The following TRAPPC9 variants were observed in gnomAD, a reference collection of about 807,000 sequenced individuals.
TRAPPC9 encodes trafficking protein particle complex subunit 9, also known as IKK2 binding protein.
In TRAPPC9, 83 loss-of-function variants were observed where a neutral mutation model predicts 124.0. The observed-to-expected ratio is 0.67, with a 90% CI of 0.56 to 0.80. The LOEUF is 0.80. TRAPPC9 is among the 30% of genes least tolerant of loss of function. The pLI, the probability that TRAPPC9 is intolerant of heterozygous loss-of-function variation, is 0.00. For missense variants in TRAPPC9, 1,302 were observed against 1,508.3 expected, an observed-to-expected ratio of 0.86 and a Z score of 2.27; for synonymous variants, 638 against 617.5, an observed-to-expected ratio of 1.03 and a Z score of -0.49.
rs932408437 is a variant in TRAPPC9, at chr8:140,451,348, C to T, written c.26G>A (p.Cys9Tyr). The change falls in exon 2 of 23, where the codon TGT becomes TAT. Residue 9 changes from cysteine (C) to tyrosine (Y), a missense_variant. Physicochemically the swap from Cys to Tyr is radical, Grantham distance 194. Transcript: ENST00000438773. Reference sequence around the variant, plus strand: ...GAGCAGCGTCTGGTGGTCCTCAGCACACTGCATGTAGTCAGGGACGCTCAT... The same window carrying T: ...GAGCAGCGTCTGGTGGTCCTCAGCATACTGCATGTAGTCAGGGACGCTCAT... Reference protein sequence around the residue: MSVPDYMQCAEDHQTLLVV... With the variant: MSVPDYMQYAEDHQTLLVV... 3.1e-6 allele frequency: 5 copies of T among 1,605,184 alleles called. No individual in the cohort carries two copies. Among genetic ancestry groups the T allele is most frequent in the South Asian group, 1.1e-5 (1 of 91,062 alleles).
At chr8:139,948,069 C>G (rs1834378779) in intron 19 of TRAPPC9, among the ~76,000 whole-genome samples, 1 of 151,408 alleles carries the variant, frequency 6.6e-6, no homozygotes, top group Non-Finnish European at 1.5e-5. Flanking sequence ...CCCTGAGCCT[C>G]AGTTTCCTTA....
rs559889135 is a variant in TRAPPC9 at position 139,730,242 on chromosome 8, T to A, written c.*819A>T. ...CTCTAACTCAGAACCCGTCCCTTCCTGGGTCCGGCTTCTGCTGGGAAGCCA... is the reference window on the plus strand; with the variant it reads ...CTCTAACTCAGAACCCGTCCCTTCCAGGGTCCGGCTTCTGCTGGGAAGCCA... On this transcript the variant is annotated 3_prime_UTR_variant, in exon 23 of 23. Transcript: ENST00000438773. 1 of 152,442 alleles carries A rather than the reference T, an allele frequency of 6.6e-6. No individual in the cohort carries two copies. The highest frequency in any genetic ancestry group is 1.9e-4 in the East Asian group (1 of 5,172). 9.4% of individuals were successfully genotyped at this position (152,442 alleles called of 1,614,324 possible).
intron 17 of TRAPPC9, among the ~76,000 whole-genome samples, chr8:140,149,877 G>A (rs749220818): frequency 7.9e-5 from 12 of 152,212 alleles, no homozygotes; most frequent in South Asian, 4.2e-4. Context: ...TGTATATCAT[G>A]CATACATACA....
chr8:139,784,883 C>T (rs978825433), intron 21 of TRAPPC9, among the ~76,000 whole-genome samples: 10 of 151,852 alleles, frequency 6.6e-5, no homozygotes, highest in Admixed American at 1.3e-4. Flanking sequence ...CAGTTCTCCC[C>T]AGATTGATCT....
At chr8:139,895,842 T>A (rs1390816146) in intron 20 of TRAPPC9, among the ~76,000 whole-genome samples, 1 of 152,258 alleles carries the variant, frequency 6.6e-6, no homozygotes, top group Non-Finnish European at 1.5e-5. Flanking sequence ...CATTTTGGCA[T>A]ATTACTTTCA....
intron 1 of TRAPPC9, among the ~76,000 whole-genome samples, chr8:140,452,541 TAC>T (rs1305202509): frequency 1.3e-5 from 2 of 152,026 alleles, no homozygotes. Context: ...AAGGAGAGAT[TAC>T]ACAAATATAC....
chr8:140,027,164 A>G (rs1481756553), intron 17 of TRAPPC9, among the ~76,000 whole-genome samples: 1 of 152,230 alleles, frequency 6.6e-6, no homozygotes, highest in Admixed American at 6.5e-5. Flanking sequence ...TTCTGAGTGC[A>G]GGGCTCTGTG....
intron 20 of TRAPPC9, among the ~76,000 whole-genome samples, chr8:139,896,260 TG>T (rs1055389113): frequency 1.3e-5 from 2 of 152,188 alleles, no homozygotes; most frequent in African/African-American, 4.8e-5. Context: ...GTGGCAGTGA[TG>T]GGGGTGGCTA....
chr8:140,380,094 C>A (rs1268827590), intron 7 of TRAPPC9, among the ~76,000 whole-genome samples: 1 of 152,034 alleles, frequency 6.6e-6, no homozygotes, highest in Admixed American at 6.6e-5. Flanking sequence ...CAAGCTTATG[C>A]CAAAATTCAC....
At chr8:139,830,276 C>T (rs576051876) in intron 21 of TRAPPC9, among the ~76,000 whole-genome samples, 1 of 141,912 alleles carries the variant, frequency 7.0e-6, no homozygotes, top group South Asian at 2.2e-4. Flanking sequence ...CATACACACA[C>T]AAATGAGCAT....
chr8:139,743,946 A>G (rs533669328), intron 21 of TRAPPC9, among the ~76,000 whole-genome samples: 1 of 152,222 alleles, frequency 6.6e-6, no homozygotes, highest in Admixed American at 6.5e-5. Flanking sequence ...AGAACTAAAC[A>G]TGAATCCACC....
intron 17 of TRAPPC9, among the ~76,000 whole-genome samples, chr8:140,053,252 G>C (rs1446817388): frequency 6.6e-6 from 1 of 152,194 alleles, no homozygotes; most frequent in Non-Finnish European, 1.5e-5. Flanking sequence ...CTTTTTAGTG[G>C]AGCAGCCTGG....
chr8:140,285,857 G>A (rs1463455162), intron 13 of TRAPPC9, among the ~76,000 whole-genome samples: 1 of 152,160 alleles, frequency 6.6e-6, no homozygotes, highest in Admixed American at 6.5e-5. Flanking sequence ...CCCACTTGGG[G>A]CAGCACACCC....
At chr8:140,232,512 T>C (rs1171808742) in intron 16 of TRAPPC9, among the ~76,000 whole-genome samples, 1 of 152,104 alleles carries the variant, frequency 6.6e-6, no homozygotes, top group Non-Finnish European at 1.5e-5. Context: ...TGGGTTCAAG[T>C]CCTAAAGGTG....
chr8:140,018,910 T>C (rs1208689563), intron 18 of TRAPPC9, among the ~76,000 whole-genome samples: 1 of 152,198 alleles, frequency 6.6e-6, no homozygotes, highest in African/African-American at 2.4e-5. Flanking sequence ...TCATCAGACT[T>C]TCACCTCTAA....
chr8:140,042,619 G>A (rs148809586), intron 17 of TRAPPC9, among the ~76,000 whole-genome samples: 23 of 152,280 alleles, frequency 1.5e-4, no homozygotes, highest in African/African-American at 5.1e-4. Flanking sequence ...CTTCACCTAC[G>A]CTTGCTCTCC....
chr8:139,956,739 G>A (rs1169640056), intron 19 of TRAPPC9, among the ~76,000 whole-genome samples: 8 of 152,158 alleles, frequency 5.3e-5, no homozygotes, highest in Admixed American at 3.3e-4. Flanking sequence ...CCGGCTCCGC[G>A]TAGACTCGTT....
chr8:140,017,736 C>T (rs1451122209), intron 18 of TRAPPC9, among the ~76,000 whole-genome samples: 3 of 152,162 alleles, frequency 2.0e-5, no homozygotes, highest in Admixed American at 6.5e-5. Flanking sequence ...TTTATAATTC[C>T]ACTAAACAAA....
intron 21 of TRAPPC9, among the ~76,000 whole-genome samples, chr8:139,822,614 C>T (rs1222240319): frequency 6.7e-6 from 1 of 148,474 alleles, no homozygotes; most frequent in African/African-American, 2.4e-5. Context: ...AGCCAAGAGC[C>T]GTAGGATGGC....
Sources: gnomAD v4.1 joint callset for allele counts (sites outside exome capture counted in the v4.1 genomes callset) on GRCh38, gnomAD v4.1.1 for gene constraint, MANE v1.5 for transcripts, NCBI Gene and HGNC (gene_info 2026-07-23, HGNC 2026-07-21) for gene names.